The following IL1RAPL2 variants were observed in gnomAD, a reference collection of about 807,000 sequenced individuals.
IL1RAPL2 encodes X-linked interleukin-1 receptor accessory protein-like 2.
Under a neutral mutation model 44.1 loss-of-function variants are expected in IL1RAPL2, and 3 were observed. The observed-to-expected ratio is 0.07, with a 90% confidence interval of 0.03 to 0.18. The LOEUF (loss-of-function observed/expected upper bound fraction) is 0.18. IL1RAPL2 is among the 10% of genes least tolerant of loss of function. The probability of loss-of-function intolerance (pLI) is 1.00; values close to 1 mark genes in which losing one functional copy is unlikely to be tolerated. For missense variants in IL1RAPL2, 391 were observed against 496.4 expected, an observed-to-expected ratio of 0.79 and a Z score of 2.02; for synonymous variants, 181 against 178.8, an observed-to-expected ratio of 1.01 and a Z score of -0.10.
intron 6 of IL1RAPL2, among the ~76,000 whole-genome samples, chrX:105,626,211 A>G (rs1285846451): frequency 4.5e-5 from 5 of 111,970 alleles, no homozygotes; most frequent in Admixed American, 9.5e-5. Flanking sequence ...TGAACCTTTG[A>G]AAAGGGTGTT....
chrX:105,299,844 C>T (rs1446103985), intron 5 of IL1RAPL2, among the ~76,000 whole-genome samples: 1 of 111,759 alleles, frequency 8.9e-6, no homozygotes, highest in Non-Finnish European at 1.9e-5. Context: ...TTCTTGTCAA[C>T]CCTGTAGGAA....
chrX:105,118,635 C>G (rs1438630349), intron 2 of IL1RAPL2, among the ~76,000 whole-genome samples: 1 of 112,047 alleles, frequency 8.9e-6, no homozygotes, highest in Non-Finnish European at 1.9e-5. Context: ...TTATAAAAAT[C>G]TAAAATCTCC....
intron 2 of IL1RAPL2, among the ~76,000 whole-genome samples, chrX:104,838,134 G>C (rs1177983896): frequency 2.7e-5 from 3 of 111,773 alleles, no homozygotes; most frequent in Non-Finnish European, 5.6e-5. Context: ...CTGTAGCCTT[G>C]TAGTATAGCT....
intron 2 of IL1RAPL2, among the ~76,000 whole-genome samples, chrX:105,192,139 G>C (rs1457084532): frequency 1.8e-5 from 2 of 112,304 alleles, no homozygotes; most frequent in East Asian, 5.6e-4. Context: ...TTTGTCAGCT[G>C]CATCACAGAT....
At chrX:104,788,787 A>G (rs1932811705) in intron 2 of IL1RAPL2, among the ~76,000 whole-genome samples, 1 of 111,725 alleles carries the variant, frequency 9.0e-6, no homozygotes, top group Admixed American at 9.5e-5. Context: ...ATTTTTATTA[A>G]TAACATTATC....
intron 2 of IL1RAPL2, among the ~76,000 whole-genome samples, chrX:105,172,569 A>C (rs775472203): frequency 4.5e-5 from 5 of 111,171 alleles, no homozygotes; most frequent in Non-Finnish European, 9.4e-5. Flanking sequence ...ATTCCTTCTC[A>C]AGTGTCCCCC....
At chrX:105,688,303 GATTTTGT>G (rs2038002332) in intron 6 of IL1RAPL2, among the ~76,000 whole-genome samples, 2 of 111,693 alleles carry the variant, frequency 1.8e-5, no homozygotes, top group African/African-American at 6.5e-5. Flanking sequence ...CAGATGACAT[GATTTTGT>G]ATTTAGAAAA....
At chrX:105,651,268 G>C (rs1047786754) in intron 6 of IL1RAPL2, among the ~76,000 whole-genome samples, 2 of 111,651 alleles carry the variant, frequency 1.8e-5, no homozygotes, top group Non-Finnish European at 3.8e-5. Flanking sequence ...ACAATCATTA[G>C]GACCAGATGC....
At chrX:105,278,895 A>AT (rs1300732492) in intron 5 of IL1RAPL2, among the ~76,000 whole-genome samples, 1 of 111,338 alleles carries the variant, frequency 9.0e-6, no homozygotes, top group Non-Finnish European at 1.9e-5. Context: ...TGCCTGCTTC[A>AT]TGCTTTTTCC....
chrX:104,818,127 C>T (rs979669715), intron 2 of IL1RAPL2, among the ~76,000 whole-genome samples: 15 of 109,413 alleles, frequency 1.4e-4, no homozygotes, highest in African/African-American at 4.0e-4. Context: ...GAGGCCGAGG[C>T]GGGAGGATCA....
At chrX:105,266,489 C>T (rs1205473326) in intron 4 of IL1RAPL2, among the ~76,000 whole-genome samples, 1 of 111,575 alleles carries the variant, frequency 9.0e-6, no homozygotes, top group Admixed American at 9.5e-5. Flanking sequence ...AATAAGTAGT[C>T]TGAAAAAAAA....
chrX:105,349,711 A>G (rs1160019323), intron 5 of IL1RAPL2, among the ~76,000 whole-genome samples: 1 of 111,862 alleles, frequency 8.9e-6, no homozygotes, highest in Admixed American at 9.5e-5. Context: ...TAACCTCTCC[A>G]AGTACTGATT....
At chrX:104,693,488 A>T (rs1446931351) in intron 2 of IL1RAPL2, among the ~76,000 whole-genome samples, 1 of 111,743 alleles carries the variant, frequency 8.9e-6, no homozygotes, top group South Asian at 3.8e-4. Context: ...TTTTAAAGGC[A>T]CTTGTCAAGC....
chrX:105,489,409 T>C (rs2036293231), intron 6 of IL1RAPL2, among the ~76,000 whole-genome samples: 1 of 111,957 alleles, frequency 8.9e-6, no homozygotes, highest in Non-Finnish European at 1.9e-5. Flanking sequence ...TTTATTAAAA[T>C]ATTGTAAGGA....
At chrX:105,189,249 G>T (rs2033614851) in intron 2 of IL1RAPL2, among the ~76,000 whole-genome samples, 1 of 112,283 alleles carries the variant, frequency 8.9e-6, no homozygotes, top group South Asian at 3.7e-4. Context: ...ACAGAGTCTT[G>T]CTCTGTTGCC....
intron 6 of IL1RAPL2, among the ~76,000 whole-genome samples, chrX:105,518,602 A>T (rs775961476): frequency 1.8e-5 from 2 of 111,745 alleles, no homozygotes; most frequent in South Asian, 7.4e-4. Flanking sequence ...CTCAATTATT[A>T]CATTTAGTAA....
intron 6 of IL1RAPL2, among the ~76,000 whole-genome samples, chrX:105,532,053 C>T (rs150172853): frequency 0.019 from 2,117 of 111,894 alleles, 22 homozygotes; most frequent in Admixed American, 0.049. Flanking sequence ...TTCTGGAACA[C>T]AGTGTTTCAG....
chrX:105,555,742 T>A (rs1428319456), intron 6 of IL1RAPL2, among the ~76,000 whole-genome samples: 2 of 112,236 alleles, frequency 1.8e-5, no homozygotes, highest in African/African-American at 6.5e-5. Flanking sequence ...AGCTTTAGTT[T>A]TGGAGAAAAG....
chrX:105,135,163 G>A (rs2033064885), intron 2 of IL1RAPL2, among the ~76,000 whole-genome samples: 1 of 110,372 alleles, frequency 9.1e-6, no homozygotes, highest in Non-Finnish European at 1.9e-5. Context: ...TATTTAATAT[G>A]TATGCATTGC....
Sources: gnomAD v4.1 joint callset for allele counts (sites outside exome capture counted in the v4.1 genomes callset) on GRCh38, gnomAD v4.1.1 for gene constraint, MANE v1.5 for transcripts, NCBI Gene and HGNC (gene_info 2026-07-23, HGNC 2026-07-21) for gene names.